Variants in SLC5A8 observed in about 807,000 individuals in gnomAD.
SLC5A8 encodes solute carrier family 5 member 8.
A neutral mutation model predicts 71.9 loss-of-function variants in SLC5A8; 55 were observed. That is an observed-to-expected ratio of 0.77 (90% CI 0.62 to 0.96). The LOEUF (loss-of-function observed/expected upper bound fraction) is 0.96, where lower values mean the gene tolerates loss of function less well. Among genes scored for constraint, SLC5A8 ranks in the 40% least tolerant of loss-of-function variants. SLC5A8 has a pLI of 0.00. For synonymous variants in SLC5A8, 307 were observed against 276.1 expected (o/e 1.11, Z -1.11); for missense variants, 701 against 745.3 (o/e 0.94, Z 0.69).
chr12:101,177,475 ACACG>A (rs1485290163), intron 10 of SLC5A8, among the ~76,000 whole-genome samples: 20 of 151,234 alleles, frequency 1.3e-4, no homozygotes, highest in African/African-American at 4.4e-4. Context: ...ACACACACAC[ACACG>A]CATGCATGCA....
intron 7 of SLC5A8, among the ~76,000 whole-genome samples, chr12:101,186,692 G>A (rs914592830): frequency 5.3e-5 from 8 of 152,154 alleles, no homozygotes; most frequent in African/African-American, 1.9e-4. Context: ...GATAATCATA[G>A]AACCTACATC....
rs543276145 is a variant in SLC5A8 at position 101,198,224 on chromosome 12, A to G, written c.470-3062T>C. Among the ~76,000 whole-genome samples, 3 of 152,100 alleles carry G rather than the reference A, an allele frequency of 2.0e-5. No individual in the cohort carries two copies. The East Asian group carries it at 5.8e-4, about 29-fold the overall frequency. ...ATGTTTGCTTTATGAAATAAGAAATATTTAAAATCAATGACCTAAGCGCCT... is the reference window on the plus strand; with the variant it reads ...ATGTTTGCTTTATGAAATAAGAAATGTTTAAAATCAATGACCTAAGCGCCT... On this transcript the variant is annotated intron_variant, in intron 3 of 14. Transcript: ENST00000536262.
In SLC5A8 at chr12:101,193,651, A is replaced by G; in HGVS notation, c.666T>C (p.Tyr222=). The G allele has an allele frequency of 6.2e-7, 1 of 1,614,034 alleles. No homozygotes were observed. Among genetic ancestry groups the G allele is most frequent in the Non-Finnish European group, 8.5e-7 (1 of 1,179,958 alleles). ...GGISTILNDA[Y]DGGRLNFWNF... The stretch of plus-strand genomic sequence containing the variant: ...TCCAGAAATTTAATCTTCCACCATC[A>G]TAGGCATCATTTAAAATAGTGCTGA... Residue 222 remains tyrosine (Y), a synonymous_variant, in exon 5 of 15, where the codon TAT becomes TAC. Coordinates refer to ENST00000536262, the MANE Select transcript of SLC5A8 (RefSeq NM_145913.5).
Position 101,157,211 on chromosome 12 carries a change from G to C in SLC5A8, c.*68C>G. The C allele has an allele frequency of 6.4e-7, 1 of 1,562,726 alleles. No individual in the cohort carries two copies. Among genetic ancestry groups the C allele is most frequent in the South Asian group, 1.2e-5 (1 of 84,396 alleles). On this transcript the variant is annotated 3_prime_UTR_variant, in exon 15 of 15. Transcript: ENST00000536262. ...ACACACACACACACAAAGAAAACCTGATCCAATTATCTTAGAAAACATATA... is the reference window on the plus strand; with the variant it reads ...ACACACACACACACAAAGAAAACCTCATCCAATTATCTTAGAAAACATATA...
chr12:101,194,889 AAG>A (rs1008629336), intron 4 of SLC5A8, among the ~76,000 whole-genome samples: 37 of 152,212 alleles, frequency 2.4e-4, no homozygotes, highest in African/African-American at 8.2e-4. Context: ...GATCAGATAA[AAG>A]AAAAAATTTC....
At chr12:101,187,361 C>G in intron 7 of SLC5A8, 25 bp downstream of exon 7, 2 of 1,600,992 alleles carry the variant, frequency 1.2e-6, no homozygotes, top group Non-Finnish European at 1.7e-6. Flanking sequence ...ATTAATACAC[C>G]TGTAAGAAAG....
At chr12:101,165,902 C>G (rs1232984640) in intron 12 of SLC5A8, among the ~76,000 whole-genome samples, 1 of 152,158 alleles carries the variant, frequency 6.6e-6, no homozygotes, top group African/African-American at 2.4e-5. Context: ...ACCTCACATT[C>G]ACTGTACAAT....
At chr12:101,160,450 T>C (rs2051713736) in intron 13 of SLC5A8, among the ~76,000 whole-genome samples, 1 of 152,180 alleles carries the variant, frequency 6.6e-6, no homozygotes, top group African/African-American at 2.4e-5. Context: ...AGTGGCACAG[T>C]GCTGGCAGCT....
At chr12:101,184,661 A>G (rs1481454327) in intron 7 of SLC5A8, among the ~76,000 whole-genome samples, 2 of 152,212 alleles carry the variant, frequency 1.3e-5, no homozygotes, top group African/African-American at 4.8e-5. Context: ...TCTGTGCTTA[A>G]GTAAGCAGCA....
chr12:101,188,428 G>C (rs562268779), intron 6 of SLC5A8, among the ~76,000 whole-genome samples: 188 of 152,232 alleles, frequency 1.2e-3, no homozygotes, highest in African/African-American at 4.2e-3. Flanking sequence ...GTGGAAAAGA[G>C]GTACCATCCC....
chr12:101,159,343 A>G (rs1332708764), intron 13 of SLC5A8, among the ~76,000 whole-genome samples: 1 of 152,202 alleles, frequency 6.6e-6, no homozygotes, highest in Non-Finnish European at 1.5e-5. Flanking sequence ...TGCTAGAGAA[A>G]CAAAGAAACA....
At chr12:101,187,956 ATGT>A (rs930528293) in intron 6 of SLC5A8, among the ~76,000 whole-genome samples, 7 of 152,384 alleles carry the variant, frequency 4.6e-5, no homozygotes, top group African/African-American at 1.7e-4. Context: ...ACTTGTTTAA[ATGT>A]TGTTTATAAG....
chr12:101,161,007 C>T (rs1383426040), intron 13 of SLC5A8, among the ~76,000 whole-genome samples: 1 of 152,122 alleles, frequency 6.6e-6, no homozygotes, highest in Non-Finnish European at 1.5e-5. Context: ...AGGCCTAGGC[C>T]AAGGCAGTCA....
At chr12:101,198,342 G>T (rs1361604280) in intron 3 of SLC5A8, among the ~76,000 whole-genome samples, 1 of 151,800 alleles carries the variant, frequency 6.6e-6, no homozygotes, top group Middle Eastern at 3.4e-3. Flanking sequence ...AAATCAATGA[G>T]CCAAAACACT....
intron 4 of SLC5A8, 108 bp from the exon 5 acceptor site, chr12:101,193,887 TAAGA>T (rs1869043483): frequency 8.8e-7 from 1 of 1,131,040 alleles, no homozygotes; most frequent in Non-Finnish European, 1.2e-6. Flanking sequence ...GAATGTTGGC[TAAGA>T]AGTGCACTCA....
chr12:101,190,593 AG>A lies in SLC5A8; in HGVS notation c.707del (p.Pro236LeufsTer12). ...TTGTCCAGAAGGTGTGTCTTTGCAA[AG>A]GGTTAGGATTAAAACTAAATGACAA... is the stretch of plus-strand genomic sequence containing the variant. ...RLNFWNFNPNPLQRHTFWTII... is the reference protein window; with the variant it reads ...RLNFWNFNPNXLQRHTFWTII... On this transcript the variant is annotated frameshift_variant, in exon 6 of 15. Coordinates refer to ENST00000536262, the MANE Select transcript of SLC5A8 (RefSeq NM_145913.5). LOFTEE classifies it high-confidence loss of function. The A allele has an allele frequency of 6.2e-7, 1 of 1,610,974 alleles. No individual in the cohort carries two copies. Among genetic ancestry groups the A allele is most frequent in the Non-Finnish European group, 8.5e-7 (1 of 1,179,018 alleles).
At chr12:101,157,656 C>CAGAT (rs935599607) in intron 14 of SLC5A8, among the ~76,000 whole-genome samples, 1 of 151,530 alleles carries the variant, frequency 6.6e-6, no homozygotes, top group African/African-American at 2.4e-5. Flanking sequence ...AGAGGATAGA[C>CAGAT]AGATATATAG....
chr12:101,183,308 G>A (rs1247604608), intron 8 of SLC5A8, among the ~76,000 whole-genome samples: 2 of 152,056 alleles, frequency 1.3e-5, no homozygotes, highest in African/African-American at 4.8e-5. Flanking sequence ...ACCTCCCAAA[G>A]TGCTGGGATT....
chr12:101,162,108 T>C (rs764247556), intron 12 of SLC5A8, 31 bp from the exon 13 acceptor site: 3 of 1,458,926 alleles, frequency 2.1e-6, no homozygotes, highest in Non-Finnish European at 2.9e-6. Context: ...CGGTAAGATT[T>C]CATGTAATGC....
Sources: allele counts gnomAD v4.1 joint callset (sites outside exome capture counted in the v4.1 genomes callset), GRCh38; gene constraint gnomAD v4.1.1; transcripts MANE v1.5; gene names NCBI Gene and HGNC (gene_info 2026-07-23, HGNC 2026-07-21).